Variants in MPV17L observed in about 807,000 individuals in gnomAD.
MPV17L encodes the protein mpv17-like protein.
A neutral mutation model predicts 25.8 loss-of-function variants in MPV17L; 24 were observed. That is an observed-to-expected ratio of 0.93 (90% CI 0.67 to 1.31). The LOEUF is 1.31. Among genes scored for constraint, MPV17L ranks in the 50% most tolerant of loss-of-function variants. The probability of loss-of-function intolerance (pLI) is 0.00; values close to 1 mark genes in which losing one functional copy is unlikely to be tolerated. For missense variants in MPV17L, 250 were observed against 265.6 expected (o/e 0.94, Z 0.41); for synonymous variants, 102 against 115.3 (o/e 0.88, Z 0.74).
chr16:15,396,701 A>G (rs556790825), intron 1 of MPV17L, among the ~76,000 whole-genome samples: 5 of 152,304 alleles, frequency 3.3e-5, no homozygotes, highest in South Asian at 4.1e-4. Flanking sequence ...GGGCCAACAC[A>G]GGAACAAAAT....
At position 15,410,049 on chromosome 16, in the gene MPV17L, A is replaced by C. The variant is rs193188425; in HGVS notation, c.*1937A>C. On this transcript the variant is annotated 3_prime_UTR_variant, in exon 4 of 4. Coordinates refer to ENST00000396385, the MANE Select transcript of MPV17L (RefSeq NM_001128423.2). ...TGAAAATCAGTGCTTTAAGATAAAT[A>C]TTTATACTTTAAGGTAAACATGAGA... is the stretch of plus-strand genomic sequence containing the variant. 4.5e-4 allele frequency: 68 copies of C among 152,300 alleles called. 2 individuals carry two copies. Among genetic ancestry groups the C allele is most frequent in the Admixed American group, 3.1e-3 (47 of 15,284 alleles). The allele number at this position is 152,300 out of a possible 1,614,324, so 9.4% of individuals were successfully genotyped here. A position where few individuals can be genotyped will look rare whatever the true frequency, so the allele number is the denominator to read the frequency against.
intron 1 of MPV17L, among the ~76,000 whole-genome samples, chr16:15,397,511 C>T (rs1182841281): frequency 6.6e-6 from 1 of 152,060 alleles, no homozygotes; most frequent in Non-Finnish European, 1.5e-5. Flanking sequence ...ACAGGAGGGG[C>T]CCTGTGGCCT....
At chr16:15,406,955 C>A (rs2075275165) in intron 2 of MPV17L, among the ~76,000 whole-genome samples, 1 of 151,774 alleles carries the variant, frequency 6.6e-6, no homozygotes, top group African/African-American at 2.4e-5. Flanking sequence ...AATAATTCAG[C>A]AGGATGAGGT....
chr16:15,406,216 A>G (rs1383914022), intron 2 of MPV17L, among the ~76,000 whole-genome samples: 1 of 151,790 alleles, frequency 6.6e-6, no homozygotes, highest in African/African-American at 2.4e-5. Flanking sequence ...ACATACACAT[A>G]TACGTATATA....
chr16:15,411,982 A>T lies in MPV17L; in HGVS notation c.*3870A>T, dbSNP rs1226381873. ...TTAGCTTTAAATAATGCAGAAGCAT[A>T]TGCCCAGTTTACTTGTAATTAAAAA... On this transcript the variant is annotated 3_prime_UTR_variant, in exon 4 of 4. Coordinates refer to ENST00000396385, the MANE Select transcript of MPV17L (RefSeq NM_001128423.2). 1 of 152,244 alleles carries T rather than the reference A, an allele frequency of 6.6e-6. No homozygotes were observed. Among genetic ancestry groups the T allele is most frequent in the Non-Finnish European group, 1.5e-5 (1 of 68,046 alleles). 9.4% of individuals were successfully genotyped at this position (152,244 alleles called of 1,614,324 possible). A position where few individuals can be genotyped will look rare whatever the true frequency, so the allele number is the denominator to read the frequency against.
chr16:15,397,749 T>C (rs1216173814), intron 1 of MPV17L, among the ~76,000 whole-genome samples: 1 of 151,884 alleles, frequency 6.6e-6, no homozygotes, highest in African/African-American at 2.4e-5. Flanking sequence ...TTTTTAAGAG[T>C]TGGATTCACT....
Position 15,411,435 on chromosome 16 carries a change from C to G in MPV17L, c.*3323C>G, listed in dbSNP as rs1416047724. The G allele has an allele frequency of 1.3e-5, 2 of 151,978 alleles. No individual in the cohort carries two copies. Among genetic ancestry groups the G allele is most frequent in the African/African-American group, 4.8e-5 (2 of 41,354 alleles). 9.4% of individuals were successfully genotyped at this position (151,978 alleles called of 1,614,324 possible). ...CGAAGGCAGGTGGATCATCTGAGCC[C>G]AGGAGTTTGAGACCAGCCTAGGCAA... On this transcript the variant is annotated 3_prime_UTR_variant, in exon 4 of 4. Transcript: ENST00000396385.
Position 15,411,357 on chromosome 16 carries a change from T to A in MPV17L, c.*3245T>A, listed in dbSNP as rs921726561. 21 of 152,176 alleles carry A rather than the reference T, an allele frequency of 1.4e-4. No homozygotes were observed. Among genetic ancestry groups the A allele is most frequent in the African/African-American group, 5.1e-4 (21 of 41,456 alleles). 9.4% of individuals were successfully genotyped at this position (152,176 alleles called of 1,614,324 possible). On this transcript the variant is annotated 3_prime_UTR_variant, in exon 4 of 4. Transcript: ENST00000396385. ...ATAGTGTTTGCATTTTGTATAAAAG[T>A]ACTTGGGGCTGGGCATGATCGCTTA...
chr16:15,407,728 TGAGACC>T, intron 2 of MPV17L, 90 bp from the exon 3 acceptor site: 1 of 1,216,596 alleles, frequency 8.2e-7, no homozygotes, highest in Non-Finnish European at 1.1e-6. Flanking sequence ...GGCAACAGAG[TGAGACC>T]CTGTCTCAAA....
Position 15,405,740 on chromosome 16 carries a change from T to G in MPV17L, c.382-2084T>G, listed in dbSNP as rs531441886. Among the ~76,000 whole-genome samples the G allele has an allele frequency of 2.1e-3, 323 of 151,792 alleles. 1 individual carries two copies. Among genetic ancestry groups the G allele is most frequent in the Non-Finnish European group, 2.4e-3 (160 of 67,942 alleles). On this transcript the variant is annotated intron_variant, in intron 2 of 3. Coordinates refer to ENST00000396385, the MANE Select transcript of MPV17L (RefSeq NM_001128423.2). ...GGGATTACAGGGGTATATTTTATATTTAAAGCATATTTAACAATTAAGGGC... is the reference window on the plus strand; with the variant it reads ...GGGATTACAGGGGTATATTTTATATGTAAAGCATATTTAACAATTAAGGGC...
chr16:15,407,748 T>TA (rs946771170), intron 2 of MPV17L, 76 bp from the exon 3 acceptor site: 5 of 1,428,828 alleles, frequency 3.5e-6, no homozygotes, highest in Non-Finnish European at 4.8e-6. Flanking sequence ...TCTCAAAAAA[T>TA]AAAAAACAAA....
rs2050734719 is a variant in MPV17L, at chr16:15,411,659, A to T, written c.*3547A>T. ...GAGAGCAAAAGAGATTTAAATAATA[A>T]CAATTATAAGAAGGCTGGGCGCGGT... is the stretch of plus-strand genomic sequence containing the variant. On this transcript the variant is annotated 3_prime_UTR_variant, in exon 4 of 4. Transcript: ENST00000396385. 1 of 152,012 alleles carries T rather than the reference A, an allele frequency of 6.6e-6. No individual in the cohort carries two copies. The highest frequency in any genetic ancestry group is 2.1e-4 in the South Asian group (1 of 4,812). 9.4% of individuals were successfully genotyped at this position (152,012 alleles called of 1,614,324 possible).
intron 2 of MPV17L, among the ~76,000 whole-genome samples, chr16:15,406,493 G>A (rs1320942872): frequency 6.6e-6 from 1 of 152,054 alleles, no homozygotes; most frequent in East Asian, 1.9e-4. Context: ...ATAGGACTGT[G>A]TAGGATAAAG....
chr16:15,401,345 G>A (rs1354802746), intron 2 of MPV17L, among the ~76,000 whole-genome samples: 1 of 151,734 alleles, frequency 6.6e-6, no homozygotes, highest in Non-Finnish European at 1.5e-5. Context: ...TTGAACTCCT[G>A]TGCTCCAGTG....
rs1297988184 is a variant in MPV17L, at chr16:15,409,030, C to T, written c.*918C>T. On this transcript the variant is annotated 3_prime_UTR_variant, in exon 4 of 4. Coordinates refer to ENST00000396385, the MANE Select transcript of MPV17L (RefSeq NM_001128423.2). ...TCTCCTGACCGCATAATCCACCCACCTCGGCCTCCCAAAGTGCTGGGATTA... is the reference window on the plus strand; with the variant it reads ...TCTCCTGACCGCATAATCCACCCACTTCGGCCTCCCAAAGTGCTGGGATTA... The T allele has an allele frequency of 6.7e-6, 1 of 150,240 alleles. No individual in the cohort carries two copies. The highest frequency in any genetic ancestry group is 1.5e-5 in the Non-Finnish European group (1 of 67,946). 9.3% of individuals were successfully genotyped at this position (150,240 alleles called of 1,614,324 possible).
intron 2 of MPV17L, among the ~76,000 whole-genome samples, chr16:15,406,865 G>A (rs1301351788): frequency 6.6e-6 from 1 of 152,160 alleles, no homozygotes; most frequent in African/African-American, 2.4e-5. Context: ...GGCAGATGTT[G>A]CAGTGAGCCA....
At chr16:15,399,457 G>A (rs2050615194) in intron 1 of MPV17L, 5 of 451,944 alleles carry the variant, frequency 1.1e-5, no homozygotes, top group Non-Finnish European at 1.8e-5. Flanking sequence ...CCAGGCTGAA[G>A]TGCAGTGATG....
At chr16:15,400,028 T>C (rs2050619637) in intron 1 of MPV17L, among the ~76,000 whole-genome samples, 1 of 152,142 alleles carries the variant, frequency 6.6e-6, no homozygotes, top group Admixed American at 6.5e-5. Context: ...GGTCTTGAAC[T>C]CCCAACCTCA....
chr16:15,408,474 T>G lies in MPV17L; in HGVS notation c.*362T>G, dbSNP rs1395954454. 5.2e-5 allele frequency: 9 copies of G among 172,310 alleles called. No homozygotes were observed. The highest frequency in any genetic ancestry group is 2.4e-5 in the Non-Finnish European group (2 of 82,050). The allele number at this position is 172,310 out of a possible 1,614,324, so 10.7% of individuals were successfully genotyped here. ...TATCTCCTGAACACTTTTGGGCAGA[T>G]GAAGTTTTATACCAAAAAATAGTTC... On this transcript the variant is annotated 3_prime_UTR_variant, in exon 4 of 4. Coordinates refer to ENST00000396385, the MANE Select transcript of MPV17L (RefSeq NM_001128423.2).
Sources: allele counts gnomAD v4.1 joint callset (sites outside exome capture counted in the v4.1 genomes callset), GRCh38; gene constraint gnomAD v4.1.1; transcripts MANE v1.5; gene names NCBI Gene and HGNC (gene_info 2026-07-23, HGNC 2026-07-21).